Variants in OSBPL3 observed in about 807,000 individuals in gnomAD.
The protein encoded by OSBPL3 is oxysterol binding protein like 3, also known as oxysterol-binding protein-related protein 3.
Under a neutral mutation model 120.1 loss-of-function variants are expected in OSBPL3, and 65 were observed. The ratio of observed to expected loss-of-function variants is 0.54; its 90% CI spans 0.44 to 0.67. OSBPL3 has a LOEUF of 0.67. Among genes scored for constraint, OSBPL3 ranks in the 30% least tolerant of loss-of-function variants. The pLI is 0.00. For missense variants in OSBPL3, 1,004 were observed against 1,082.1 expected (o/e 0.93, Z 1.01); for synonymous variants, 416 against 402.6 (o/e 1.03, Z -0.40).
At chr7:24,890,817 C>A (rs1037331363) in intron 2 of OSBPL3, among the ~76,000 whole-genome samples, 3 of 152,194 alleles carry the variant, frequency 2.0e-5, no homozygotes, top group African/African-American at 4.8e-5. Context: ...AGGCATCAAG[C>A]ACATTCCTCT....
chr7:24,949,447 T>C (rs531692899), intron 1 of OSBPL3, among the ~76,000 whole-genome samples: 7 of 152,346 alleles, frequency 4.6e-5, no homozygotes, highest in East Asian at 1.9e-4. Context: ...GATCTTACAA[T>C]TGACAGTCTT....
rs1010686442 is a variant in OSBPL3, at chr7:24,804,150, C to T, written c.2567+165G>A. Among the ~76,000 whole-genome samples the T allele has an allele frequency of 2.0e-5, 3 of 152,112 alleles. No individual in the cohort carries two copies. Among genetic ancestry groups the T allele is most frequent in the Non-Finnish European group, 2.9e-5 (2 of 68,028 alleles). On this transcript the variant is annotated intron_variant, in intron 22 of 22. Transcript: ENST00000313367. The surrounding 1 kb of genome is among the most constrained non-coding windows in gnomAD (Gnocchi z 5.4). ...AAGAGGGAGAGCCTGAAGGTAAGTG[C>T]GGGGGACAGGGCCTGGCACAGAGGA...
chr7:24,809,850 G>A lies in OSBPL3; in HGVS notation c.2274C>T (p.Ile758=). The A allele has an allele frequency of 6.2e-7, 1 of 1,614,150 alleles. No homozygotes were observed. Among genetic ancestry groups the A allele is most frequent in the Non-Finnish European group, 8.5e-7 (1 of 1,180,012 alleles). The change falls in exon 20 of 23, where the codon ATC becomes ATT. Residue 758 remains isoleucine (I), a synonymous_variant. Coordinates refer to ENST00000313367, the MANE Select transcript of OSBPL3 (RefSeq NM_015550.4). ...HRLFGKWHES[I]YCGGGSSSAC... ...CAGAAGAGGAGCCGCCGCCACAGTA[G>A]ATGCTTTCATGCCATTTCCCAAACA...
intron 1 of OSBPL3, among the ~76,000 whole-genome samples, chr7:24,954,360 C>T (rs918779271): frequency 5.3e-5 from 8 of 152,126 alleles, no homozygotes; most frequent in Non-Finnish European, 1.0e-4. Context: ...AGGTATCAGA[C>T]CAAAATAGCT....
chr7:24,918,642 A>G lies in OSBPL3; in HGVS notation c.-149-26021T>C, dbSNP rs1237260386. On this transcript the variant is annotated intron_variant, in intron 1 of 22. Coordinates refer to ENST00000313367, the MANE Select transcript of OSBPL3 (RefSeq NM_015550.4). The surrounding 1 kb of genome is among the most constrained non-coding windows in gnomAD (Gnocchi z 4.3). ...ATCAACATTTAGTACTCACTTAACA[A>G]ATGTTCACTAATCACTTACCATTGG... 6.6e-6 allele frequency among the ~76,000 whole-genome samples: 1 copy of G among 152,226 alleles called. No homozygotes were observed.
At position 24,833,560 on chromosome 7, in the gene OSBPL3, G is replaced by A. The variant is rs149120620; in HGVS notation, c.1746+926C>T. On this transcript the variant is annotated intron_variant, in intron 15 of 22. Coordinates refer to ENST00000313367, the MANE Select transcript of OSBPL3 (RefSeq NM_015550.4). This position sits in a 1 kb window ranked among gnomAD's most constrained non-coding sequence, Gnocchi z 4.4. Reference sequence around the variant, plus strand: ...GCATCCTCTATCAATGGGGAGTGTCGGCAGGGCTAGGTCTGTGAAGCCGAG... The same window carrying A: ...GCATCCTCTATCAATGGGGAGTGTCAGCAGGGCTAGGTCTGTGAAGCCGAG... Among the ~76,000 whole-genome samples the A allele has an allele frequency of 1.3e-5, 2 of 152,296 alleles. No homozygotes were observed. Among genetic ancestry groups the A allele is most frequent in the East Asian group, 1.9e-4 (1 of 5,182 alleles).
intron 10 of OSBPL3, among the ~76,000 whole-genome samples, chr7:24,853,861 G>A (rs1369069807): frequency 1.3e-5 from 2 of 152,116 alleles, no homozygotes; most frequent in South Asian, 4.1e-4. Context: ...CAACTTTTCT[G>A]TAAGTTTGTA....
rs76069311 is a variant in OSBPL3, at chr7:24,928,004, T to G, written c.-149-35383A>C. Among the ~76,000 whole-genome samples, 1,109 of 152,114 alleles carry G rather than the reference T, an allele frequency of 7.3e-3. 15 individuals are homozygous for G. Among genetic ancestry groups the G allele is most frequent in the African/African-American group, 0.025 (1,039 of 41,482 alleles). On this transcript the variant is annotated intron_variant, in intron 1 of 22. Coordinates refer to ENST00000313367, the MANE Select transcript of OSBPL3 (RefSeq NM_015550.4). ...CCCTTTGGTGCTGTTCTCATGATAG[T>G]GAGTATTGTGAGATCTTGTTGTTCA... is the stretch of plus-strand genomic sequence containing the variant.
chr7:24,892,970 T>C (rs951604296), intron 1 of OSBPL3, among the ~76,000 whole-genome samples: 2 of 152,180 alleles, frequency 1.3e-5, no homozygotes, highest in South Asian at 2.1e-4. Context: ...AAATAACTAG[T>C]GTTGGAAAGA....
In OSBPL3 at chr7:24,827,344, G is replaced by A. The variant is rs10486434; in HGVS notation, c.1884+3424C>T. Among the ~76,000 whole-genome samples the A allele has an allele frequency of 0.11, 16,856 of 152,272 alleles. 1,633 individuals carry two copies. Among genetic ancestry groups the A allele is most frequent in the East Asian group, 0.5 (2,603 of 5,164 alleles). ...ATGCTCTGGCACTCTCTTCAGATGT[G>A]TTAAATTAGAATAGACAGCATTGGG... On this transcript the variant is annotated intron_variant, in intron 16 of 22. Transcript: ENST00000313367. The surrounding 1 kb of genome is among the most constrained non-coding windows in gnomAD (Gnocchi z 5.1).
At position 24,932,106 on chromosome 7, in the gene OSBPL3, T is replaced by C. The variant is rs559704264; in HGVS notation, c.-149-39485A>G. ...TTCCCTACAGACTGGTTCAAACCAGTGGTCAGTTTTCCCATAAACCAGTTC... is the reference window on the plus strand; with the variant it reads ...TTCCCTACAGACTGGTTCAAACCAGCGGTCAGTTTTCCCATAAACCAGTTC... On this transcript the variant is annotated intron_variant, in intron 1 of 22. Coordinates refer to ENST00000313367, the MANE Select transcript of OSBPL3 (RefSeq NM_015550.4). The surrounding 1 kb of genome is among the most constrained non-coding windows in gnomAD (Gnocchi z 5.6). Among the ~76,000 whole-genome samples, 1 of 152,346 alleles carries C rather than the reference T, an allele frequency of 6.6e-6. No homozygotes were observed. Among genetic ancestry groups the C allele is most frequent in the East Asian group, 1.9e-4 (1 of 5,186 alleles).
At position 24,849,769 on chromosome 7, in the gene OSBPL3, C is replaced by A. The variant is rs1798910413; in HGVS notation, c.1159-593G>T. On this transcript the variant is annotated intron_variant, in intron 11 of 22. Transcript: ENST00000313367. This position sits in a 1 kb window ranked among gnomAD's most constrained non-coding sequence, Gnocchi z 5.4. Reference sequence around the variant, plus strand: ...AGGAGTTTGAGAACAGCCTGGCCAACATGGTGAAACCCCATCTCTACCAAA... The same window carrying A: ...AGGAGTTTGAGAACAGCCTGGCCAAAATGGTGAAACCCCATCTCTACCAAA... Among the ~76,000 whole-genome samples the A allele has an allele frequency of 6.6e-6, 1 of 152,036 alleles. No homozygotes were observed. The highest frequency in any genetic ancestry group is 1.5e-5 in the Non-Finnish European group (1 of 68,002).
chr7:24,890,112 A>T (rs980979606), intron 2 of OSBPL3, among the ~76,000 whole-genome samples: 2 of 152,236 alleles, frequency 1.3e-5, no homozygotes, highest in African/African-American at 4.8e-5. Context: ...AAAAACTAGC[A>T]CTAAGAAAAA....
Position 24,916,850 on chromosome 7 carries a change from C to T in OSBPL3, c.-149-24229G>A, listed in dbSNP as rs1809612581. On this transcript the variant is annotated intron_variant, in intron 1 of 22. Coordinates refer to ENST00000313367, the MANE Select transcript of OSBPL3 (RefSeq NM_015550.4). The surrounding 1 kb of genome is among the most constrained non-coding windows in gnomAD (Gnocchi z 4.9). ...TCCCAGCTGTGCTGCTGTTACACCA[C>T]AATGGTGACATATACCAACACACAC... Among the ~76,000 whole-genome samples the T allele has an allele frequency of 6.6e-6, 1 of 151,944 alleles. No homozygotes were observed. Among genetic ancestry groups the T allele is most frequent in the South Asian group, 2.1e-4 (1 of 4,824 alleles).
intron 12 of OSBPL3, among the ~76,000 whole-genome samples, chr7:24,847,895 A>T (rs1362694955): frequency 1.3e-5 from 2 of 152,218 alleles, no homozygotes; most frequent in African/African-American, 2.4e-5. Context: ...GCTGCAGGTG[A>T]CAGTTTAGGT....
chr7:24,948,722 T>C (rs1814035455), intron 1 of OSBPL3, among the ~76,000 whole-genome samples: 1 of 152,204 alleles, frequency 6.6e-6, no homozygotes, highest in South Asian at 2.1e-4. Context: ...AGCCAGCTAA[T>C]CTCACTAAGC....
At chr7:24,826,381 C>T (rs377269525) in intron 16 of OSBPL3, among the ~76,000 whole-genome samples, 1 of 152,164 alleles carries the variant, frequency 6.6e-6, no homozygotes, top group Non-Finnish European at 1.5e-5. Context: ...AGGCCACACC[C>T]CTGCCTACCA....
intron 12 of OSBPL3, 51 bp from the exon 13 acceptor site, chr7:24,842,464 AG>A: frequency 7.2e-7 from 1 of 1,382,448 alleles, no homozygotes; most frequent in Non-Finnish European, 1.0e-6. Flanking sequence ...CATTCTCAAG[AG>A]AAAGAAAATA....
At chr7:24,958,074 T>A (rs993177891) in intron 1 of OSBPL3, among the ~76,000 whole-genome samples, 1 of 152,190 alleles carries the variant, frequency 6.6e-6, no homozygotes, top group Non-Finnish European at 1.5e-5. Flanking sequence ...AGCATTTTTG[T>A]AAGGTACACT....
Sources: gnomAD v4.1 joint callset for allele counts (sites outside exome capture counted in the v4.1 genomes callset) on GRCh38, gnomAD v4.1.1 for gene constraint, Gnocchi (gnomAD v3.1) non-coding constraint, MANE v1.5 for transcripts, NCBI Gene and HGNC (gene_info 2026-07-23, HGNC 2026-07-21) for gene names.